The following ANK2 variants were observed in gnomAD, a reference collection of about 807,000 sequenced individuals.
ANK2 encodes the protein ankyrin-2.
In ANK2, 83 loss-of-function variants were observed where a neutral mutation model predicts 360.5. The observed-to-expected ratio is 0.23, with a 90% CI of 0.19 to 0.28. ANK2 has a LOEUF of 0.28. Among genes scored for constraint, ANK2 ranks in the 10% least tolerant of loss-of-function variants. The probability of loss-of-function intolerance (pLI) is 1.00; values close to 1 mark genes in which losing one functional copy is unlikely to be tolerated. For synonymous variants in ANK2, 1,740 were observed against 1,759.5 expected (o/e 0.99, Z 0.28); for missense variants, 4,201 against 4,795.7 (o/e 0.88, Z 3.66).
rs1018471134 is a variant in ANK2, at chr4:112,839,650, G to A, written c.-40+21386G>A. ...AATGGCACTGCTTCTCAAATAAAAGGTGAAGTGTAAAGTAAAGGGAAAACA... is the reference window on the plus strand; with the variant it reads ...AATGGCACTGCTTCTCAAATAAAAGATGAAGTGTAAAGTAAAGGGAAAACA... On this transcript the variant is annotated intron_variant, in intron 1 of 30. Coordinates refer to the ANK2 transcript ENST00000503271. Among the ~76,000 whole-genome samples, 8 of 152,186 alleles carry A rather than the reference G, an allele frequency of 5.3e-5. 1 individual carries two copies. The highest frequency in any genetic ancestry group is 2.0e-4 in the Admixed American group (3 of 15,276).
At chr4:113,338,669 C>T (rs2093879503) in intron 31 of ANK2, among the ~76,000 whole-genome samples, 1 of 150,974 alleles carries the variant, frequency 6.6e-6, no homozygotes, top group Non-Finnish European at 1.5e-5. Context: ...CCTGCCTCAG[C>T]CTCCCTAGTA....
intron 1 of ANK2, among the ~76,000 whole-genome samples, chr4:112,860,994 A>G (rs1028366225): frequency 6.6e-6 from 1 of 152,250 alleles, no homozygotes; most frequent in Admixed American, 6.5e-5. Flanking sequence ...TTTAGATTTA[A>G]TTCAGTGGGT....
intron 21 of ANK2, chr4:113,292,894 T>C (rs927087809): frequency 1.6e-5 from 6 of 365,508 alleles, no homozygotes; most frequent in African/African-American, 6.3e-5. Flanking sequence ...TGTGGAGCCA[T>C]TGAAATGTAA....
intron 1 of ANK2, among the ~76,000 whole-genome samples, chr4:112,842,038 C>T (rs1289669958): frequency 2.0e-5 from 3 of 151,828 alleles, no homozygotes; most frequent in Admixed American, 6.6e-5. Context: ...GATGGAGCCT[C>T]TTGCTCTGTT....
At chr4:113,133,006 G>T (rs1257549926) in intron 1 of ANK2, among the ~76,000 whole-genome samples, 1 of 152,062 alleles carries the variant, frequency 6.6e-6, no homozygotes, top group Non-Finnish European at 1.5e-5. Flanking sequence ...CTAGAGTTTT[G>T]GTCATCCAGG....
chr4:113,114,721 A>G (rs529448205), intron 1 of ANK2, among the ~76,000 whole-genome samples: 1 of 152,254 alleles, frequency 6.6e-6, no homozygotes, highest in Admixed American at 6.5e-5. Flanking sequence ...GTTTTTTTTG[A>G]CAACAGGAAC....
intron 2 of ANK2, among the ~76,000 whole-genome samples, chr4:112,969,875 G>T (rs373422710): frequency 6.6e-6 from 1 of 152,152 alleles, no homozygotes. Context: ...AGTCTCACTA[G>T]TGAAAAGCAT....
the ANK2 span, among the ~76,000 whole-genome samples, chr4:112,749,043 G>A: frequency 2.0e-5 from 3 of 152,184 alleles, no homozygotes; most frequent in African/African-American, 2.4e-5. Context: ...GGGATTACAG[G>A]CGTGTGCCAC....
chr4:113,345,291 G>A (rs1400661212), intron 34 of ANK2, among the ~76,000 whole-genome samples: 2 of 152,086 alleles, frequency 1.3e-5, no homozygotes, highest in Non-Finnish European at 2.9e-5. Flanking sequence ...CTGGGCAAGA[G>A]GGCAATGGGG....
chr4:113,289,570 A>C (rs2066531146), intron 20 of ANK2, among the ~76,000 whole-genome samples: 1 of 152,236 alleles, frequency 6.6e-6, no homozygotes, highest in Non-Finnish European at 1.5e-5. Context: ...GAGCACATTC[A>C]GGACTTTTCA....
At chr4:113,169,774 C>T (rs1400676859) in intron 1 of ANK2, among the ~76,000 whole-genome samples, 1 of 151,886 alleles carries the variant, frequency 6.6e-6, no homozygotes, top group African/African-American at 2.4e-5. Flanking sequence ...AAACATAAAG[C>T]CACATAAAAC....
chr4:112,833,371 A>C (rs1288494481), intron 1 of ANK2, among the ~76,000 whole-genome samples: 1 of 152,262 alleles, frequency 6.6e-6, no homozygotes, highest in Non-Finnish European at 1.5e-5. Context: ...AATTTTTGCA[A>C]GATAAATCTG....
the ANK2 span, among the ~76,000 whole-genome samples, chr4:112,777,604 A>C: frequency 1.3e-5 from 2 of 148,526 alleles, no homozygotes; most frequent in African/African-American, 5.0e-5. Flanking sequence ...GTTTTAAAAA[A>C]ATACATCTAT....
At chr4:113,136,992 A>C (rs1240932527) in intron 1 of ANK2, among the ~76,000 whole-genome samples, 1 of 152,036 alleles carries the variant, frequency 6.6e-6, no homozygotes, top group Non-Finnish European at 1.5e-5. Context: ...TCCTGACCTC[A>C]AGTGATCCAC....
At chr4:112,896,306 G>A (rs992217414) in intron 1 of ANK2, among the ~76,000 whole-genome samples, 4 of 152,216 alleles carry the variant, frequency 2.6e-5, no homozygotes, top group African/African-American at 4.8e-5. Flanking sequence ...TATAGGTTCT[G>A]TTTAGAGCAT....
chr4:112,783,576 C>A, the ANK2 span, among the ~76,000 whole-genome samples: 6 of 151,528 alleles, frequency 4.0e-5, no homozygotes, highest in Admixed American at 2.0e-4. Flanking sequence ...GGCATTTTGG[C>A]GATTTGCTTT....
the ANK2 span, among the ~76,000 whole-genome samples, chr4:112,778,374 G>A: frequency 6.6e-6 from 1 of 152,048 alleles, no homozygotes. Context: ...GTTTCACCAA[G>A]TTGGCCAGGC....
rs115873763 is a variant in ANK2, at chr4:112,859,450, G to A, written c.-40+41186G>A. Among the ~76,000 whole-genome samples the A allele has an allele frequency of 6.3e-3, 966 of 152,304 alleles. 13 individuals are homozygous for A. Among genetic ancestry groups the A allele is most frequent in the African/African-American group, 0.022 (918 of 41,562 alleles). On this transcript the variant is annotated intron_variant, in intron 1 of 30. Transcript: ENST00000503271. ...TCTGGATTTGGGAAGAGTGAGAGGA[G>A]CTGAGCCCAGTTAGGTGTATGTTTT...
At chr4:112,970,669 A>T (rs2039196337) in intron 2 of ANK2, among the ~76,000 whole-genome samples, 1 of 152,220 alleles carries the variant, frequency 6.6e-6, no homozygotes, top group Admixed American at 6.5e-5. Context: ...AACTATATAT[A>T]CACATATATA....
Sources: gnomAD v4.1 joint callset for allele counts (sites outside exome capture counted in the v4.1 genomes callset) on GRCh38, gnomAD v4.1.1 for gene constraint, MANE v1.5 for transcripts, NCBI Gene and HGNC (gene_info 2026-07-23, HGNC 2026-07-21) for gene names.